Variants in RASGEF1A observed in about 807,000 individuals in gnomAD.
The protein encoded by RASGEF1A is RasGEF domain family member 1A.
A neutral mutation model predicts 56.4 loss-of-function variants in RASGEF1A; 18 were observed. That is an observed-to-expected ratio of 0.32 (90% CI 0.22 to 0.47). The LOEUF (loss-of-function observed/expected upper bound fraction) is 0.47. Ranked by LOEUF, RASGEF1A falls within the 20% of genes least tolerant of loss-of-function variation. RASGEF1A has a pLI of 1.00. For missense variants in RASGEF1A, 422 were observed against 627.1 expected, an observed-to-expected ratio of 0.67 and a Z score of 3.49; for synonymous variants, 245 against 242.6, an observed-to-expected ratio of 1.01 and a Z score of -0.09.
At chr10:43,227,625 G>C (rs1442570648) in intron 1 of RASGEF1A, among the ~76,000 whole-genome samples, 2 of 152,142 alleles carry the variant, frequency 1.3e-5, no homozygotes, top group Non-Finnish European at 2.9e-5. Flanking sequence ...GGGTGGCCAG[G>C]AGGCAGGGCA....
At chr10:43,225,529 G>A (rs992439600) in intron 1 of RASGEF1A, among the ~76,000 whole-genome samples, 9 of 151,868 alleles carry the variant, frequency 5.9e-5, no homozygotes, top group Non-Finnish European at 7.4e-5. Context: ...GTGTCTCTGT[G>A]TCTGTGTGCA....
chr10:43,211,078 T>G (rs1056990311), intron 1 of RASGEF1A, among the ~76,000 whole-genome samples: 4 of 152,112 alleles, frequency 2.6e-5, no homozygotes, highest in African/African-American at 9.7e-5. Flanking sequence ...CACCTCCTAA[T>G]TATAGAGCTA....
chr10:43,238,161 ACCTG>A (rs1840456979), intron 1 of RASGEF1A, among the ~76,000 whole-genome samples: 1 of 36,108 alleles, frequency 2.8e-5, no homozygotes, highest in South Asian at 5.6e-4. Flanking sequence ...ACAGAGTAAC[ACCTG>A]CCCCTCAGGA....
At chr10:43,221,089 C>T (rs1840201458) in intron 1 of RASGEF1A, among the ~76,000 whole-genome samples, 1 of 152,184 alleles carries the variant, frequency 6.6e-6, no homozygotes, top group Non-Finnish European at 1.5e-5. Context: ...AGACGCCCTG[C>T]TGGGAGAAGA....
At chr10:43,244,286 A>G (rs1840545715) in intron 1 of RASGEF1A, among the ~76,000 whole-genome samples, 1 of 139,306 alleles carries the variant, frequency 7.2e-6, no homozygotes, top group Admixed American at 7.0e-5. Flanking sequence ...AAAACCAGAG[A>G]CCTTTGTTCT....
At chr10:43,225,150 GTGTGTGTGTCTTTGTGTCTCTGTGTC>G (rs950763677) in intron 1 of RASGEF1A, among the ~76,000 whole-genome samples, 19 of 147,734 alleles carry the variant, frequency 1.3e-4, no homozygotes, top group African/African-American at 4.7e-4. Flanking sequence ...GTATGTGTCT[GTGTGTGTGTCTTTGTGTCTCTGTGTC>G]TGTGTGTGTC....
chr10:43,249,669 G>A (rs895526519), intron 1 of RASGEF1A, among the ~76,000 whole-genome samples: 6 of 152,252 alleles, frequency 3.9e-5, no homozygotes, highest in Admixed American at 3.9e-4. Flanking sequence ...CTGGACCCTG[G>A]CTGGCCCTGG....
chr10:43,233,367 T>C (rs1840395886), intron 1 of RASGEF1A, among the ~76,000 whole-genome samples: 1 of 152,194 alleles, frequency 6.6e-6, no homozygotes, highest in South Asian at 2.1e-4. Context: ...AATAAGGATA[T>C]GGTTGTATAT....
chr10:43,243,902 C>T (rs1394464262), intron 1 of RASGEF1A, among the ~76,000 whole-genome samples: 3 of 152,134 alleles, frequency 2.0e-5, no homozygotes, highest in East Asian at 1.9e-4. Context: ...CAGCGACCAT[C>T]GAGAATGGGC....
intron 1 of RASGEF1A, among the ~76,000 whole-genome samples, chr10:43,260,425 T>C (rs914619186): frequency 1.3e-5 from 2 of 152,210 alleles, no homozygotes; most frequent in Admixed American, 1.3e-4. Context: ...CTGCACTCGG[T>C]GCACCACCGG....
chr10:43,197,447 G>A (rs1040194876), intron 10 of RASGEF1A, among the ~76,000 whole-genome samples: 3 of 152,208 alleles, frequency 2.0e-5, no homozygotes, highest in Admixed American at 2.0e-4. Context: ...CAACCAGAAC[G>A]TGTCATGATG....
At chr10:43,262,784 C>T (rs1836558153) in intron 1 of RASGEF1A, among the ~76,000 whole-genome samples, 1 of 152,190 alleles carries the variant, frequency 6.6e-6, no homozygotes, top group South Asian at 2.1e-4. Flanking sequence ...GAAGCCATGC[C>T]CTGAGTAGGG....
intron 1 of RASGEF1A, among the ~76,000 whole-genome samples, chr10:43,245,109 G>A (rs748768741): frequency 2.0e-5 from 3 of 152,052 alleles, no homozygotes; most frequent in Non-Finnish European, 4.4e-5. Context: ...AGTAAAATCA[G>A]AGAGGATATT....
chr10:43,208,030 T>G lies in RASGEF1A; in HGVS notation c.-6-1908A>C, dbSNP rs192697897. The G allele has an allele frequency of 3.0e-6, 3 of 984,238 alleles. No homozygotes were observed. In the East Asian group the frequency reaches 3.4e-4, roughly 112 times the overall value. 61.0% of individuals were successfully genotyped at this position (984,238 alleles called of 1,614,324 possible). Reference sequence around the variant, plus strand: ...TCCTATCGCTGGCCCAGGGTGGCACTCAGTGACCATTTGTGCAATGAAGTC... The same window carrying G: ...TCCTATCGCTGGCCCAGGGTGGCACGCAGTGACCATTTGTGCAATGAAGTC... On this transcript the variant is annotated intron_variant, in intron 1 of 12. Transcript: ENST00000395810.
At chr10:43,229,157 C>T (rs1213193779) in intron 1 of RASGEF1A, among the ~76,000 whole-genome samples, 1 of 152,220 alleles carries the variant, frequency 6.6e-6, no homozygotes, top group Non-Finnish European at 1.5e-5. Context: ...TCTCCCTAAA[C>T]GCACAGGCGC....
In RASGEF1A at chr10:43,203,278, C is replaced by T; in HGVS notation, c.321+20G>A. 6.5e-7 allele frequency: 1 copy of T among 1,548,814 alleles called. No individual in the cohort carries two copies. On this transcript the variant is annotated intron_variant, in intron 3 of 12. Coordinates refer to ENST00000395810, the MANE Select transcript of RASGEF1A (RefSeq NM_145313.4). ...CCTGCCCCCTGCCCCCGCCCGTGCCCCAGCCAGGCCCCGCCTCACCTTTTC... is the reference window on the plus strand; with the variant it reads ...CCTGCCCCCTGCCCCCGCCCGTGCCTCAGCCAGGCCCCGCCTCACCTTTTC...
At chr10:43,255,979 T>C (rs895126367) in intron 1 of RASGEF1A, among the ~76,000 whole-genome samples, 1 of 152,202 alleles carries the variant, frequency 6.6e-6, no homozygotes, top group African/African-American at 2.4e-5. Context: ...ATGCTAAAGC[T>C]GCACGCCTGT....
At chr10:43,227,380 G>A (rs1232240012) in intron 1 of RASGEF1A, among the ~76,000 whole-genome samples, 1 of 146,738 alleles carries the variant, frequency 6.8e-6, no homozygotes, top group African/African-American at 2.4e-5. Flanking sequence ...CCTGCATCCT[G>A]GCCAGGCCTG....
chr10:43,261,847 G>T (rs982325925), intron 1 of RASGEF1A, among the ~76,000 whole-genome samples: 2 of 152,182 alleles, frequency 1.3e-5, no homozygotes, highest in African/African-American at 4.8e-5. Context: ...TCAGAGCACC[G>T]GCCAGAAAAA....
Sources: gnomAD v4.1 joint callset for allele counts (sites outside exome capture counted in the v4.1 genomes callset) on GRCh38, gnomAD v4.1.1 for gene constraint, MANE v1.5 for transcripts, NCBI Gene and HGNC (gene_info 2026-07-23, HGNC 2026-07-21) for gene names.